Variants in NUP62 observed in about 807,000 individuals in gnomAD.
The protein encoded by NUP62 is nucleoporin 62, also known as nuclear pore glycoprotein p62.
For synonymous variants in NUP62, 305 were observed against 303.4 expected (o/e 1.01, Z -0.05); for missense variants, 647 against 689.4 (o/e 0.94, Z 0.69).
Position 49,909,149 on chromosome 19 carries a change from C to T in NUP62, c.659G>A (p.Ser220Asn), listed in dbSNP as rs767319363. The change falls in exon 3 of 3, where the codon AGC becomes AAC. Residue 220 changes from serine to asparagine, a missense_variant. By Grantham distance (46) the Ser-to-Asn change is conservative (BLOSUM62 1). Coordinates refer to ENST00000352066, the MANE Select transcript of NUP62 (RefSeq NM_016553.5). ...PTATITSTGP[S>N]LFASIATAPT... ...AGCAGTTGCTATTGACGCAAAGAGG[C>T]TGGGCCCAGTGCTGGTGATGGTGGC... 1.9e-6 allele frequency: 3 copies of T among 1,613,156 alleles called. No homozygotes were observed. The highest frequency in any genetic ancestry group is 1.7e-6 in the Non-Finnish European group (2 of 1,179,796).
chr19:49,919,317 C>A (rs1312805572), intron 2 of NUP62, among the ~76,000 whole-genome samples: 2 of 152,204 alleles, frequency 1.3e-5, no homozygotes, highest in Non-Finnish European at 2.9e-5. Context: ...CAGAGACTTG[C>A]TGTGCGTTTA....
intron 2 of NUP62, among the ~76,000 whole-genome samples, chr19:49,913,666 C>T (rs536508057): frequency 1.3e-5 from 2 of 152,242 alleles, no homozygotes; most frequent in Non-Finnish European, 2.9e-5. Context: ...CATCTCTCCC[C>T]TTTGCTGTTT....
In NUP62 at chr19:49,908,159, A is replaced by G; in HGVS notation, c.*80T>C. ...GAAACAAACAAACAAGTATCTTGCCACAACCCCAAACTACAGACAACAGGG... is the reference window on the plus strand; with the variant it reads ...GAAACAAACAAACAAGTATCTTGCCGCAACCCCAAACTACAGACAACAGGG... On this transcript the variant is annotated 3_prime_UTR_variant, in exon 3 of 3. Transcript: ENST00000352066. 1 of 1,562,224 alleles carries G rather than the reference A, an allele frequency of 6.4e-7. No individual in the cohort carries two copies. The highest frequency in any genetic ancestry group is 8.6e-7 in the Non-Finnish European group (1 of 1,158,220).
chr19:49,914,141 G>A (rs138039009), intron 2 of NUP62, among the ~76,000 whole-genome samples: 25 of 152,262 alleles, frequency 1.6e-4, no homozygotes, highest in African/African-American at 5.3e-4. Flanking sequence ...TTAAGCCCAG[G>A]AGTTTGAGGC....
At chr19:49,915,767 T>C (rs2075607902) in intron 2 of NUP62, among the ~76,000 whole-genome samples, 1 of 152,172 alleles carries the variant, frequency 6.6e-6, no homozygotes, top group South Asian at 2.1e-4. Context: ...GAGGTGTGAT[T>C]CTGAAAATCC....
chr19:49,909,431 G>C lies in NUP62; in HGVS notation c.377C>G (p.Ser126Trp). 1.2e-6 allele frequency: 2 copies of C among 1,614,024 alleles called. No individual in the cohort carries two copies. The highest frequency in any genetic ancestry group is 1.7e-6 in the Non-Finnish European group (2 of 1,180,032). ...LGSSNLTNAI[S>W]STVTSSQGTA... ...GCCCTGGCTGGAGGTGACGGTGCTC[G>C]ATATGGCATTAGTGAGGTTGCTGCT... The change falls in exon 3 of 3, where the codon TCG (serine) becomes TGG (tryptophan). Residue 126 changes from serine to tryptophan, a missense_variant. Ser to Trp is a radical substitution (Grantham distance 177, BLOSUM62 -3). Transcript: ENST00000352066.
chr19:49,909,585 T>C lies in NUP62; in HGVS notation c.223A>G (p.Thr75Ala). 1.2e-6 allele frequency: 2 copies of C among 1,614,004 alleles called. No individual in the cohort carries two copies. Among genetic ancestry groups the C allele is most frequent in the Non-Finnish European group, 1.7e-6 (2 of 1,179,988 alleles). ...QTPATQTTGFTFGTATLASGG... is the reference protein window; with the variant it reads ...QTPATQTTGFAFGTATLASGG... ...GAAGCAAGAGTCGCTGTTCCAAAAG[T>C]GAAGCCTGTCGTCTGTGTGGCCGGA... is the stretch of plus-strand genomic sequence containing the variant. Residue 75 changes from threonine (T) to alanine (A), a missense_variant, in exon 3 of 3, where the codon ACT becomes GCT. Transcript: ENST00000352066.
intron 2 of NUP62, chr19:49,912,785 G>C (rs1029619976): frequency 6.8e-6 from 1 of 146,912 alleles, no homozygotes; most frequent in African/African-American, 2.6e-5. Context: ...AGGATCACTG[G>C]AGCCCAGGGA....
intron 2 of NUP62, among the ~76,000 whole-genome samples, chr19:49,912,194 G>C (rs111815150): frequency 6.8e-6 from 1 of 147,352 alleles, no homozygotes; most frequent in African/African-American, 2.5e-5. Flanking sequence ...TTTGAGACGG[G>C]AGTCTCGCTC....
rs763809969 is a variant in NUP62, at chr19:49,909,055, A to C, written c.753T>G (p.Ala251=). The change falls in exon 3 of 3, where the codon GCT becomes GCG. Residue 251 remains alanine, a synonymous_variant. Coordinates refer to ENST00000352066, the MANE Select transcript of NUP62 (RefSeq NM_016553.5). ...CCTTTAAGCTGAAGCCCTGTGTCCC[A>C]GCAGTGGGGGCGCCCGCTGTGGTCA... The part of the protein sequence containing the change: ...TPVTTAGAPT[A]GTQGFSLKAP... 7 of 1,613,098 alleles carry C rather than the reference A, an allele frequency of 4.3e-6. No individual in the cohort carries two copies. Among genetic ancestry groups the C allele is most frequent in the Non-Finnish European group, 5.9e-6 (7 of 1,180,034 alleles).
At position 49,908,710 on chromosome 19, in the gene NUP62, G is replaced by A. The variant is rs564436380; in HGVS notation, c.1098C>T (p.Ile366=). ...TQVNAWDRTL[I]ENGEKITSLH... ...GGCTGGTGATCTTTTCTCCATTCTC[G>A]ATCAGCGTGCGGTCCCAGGCGTTGA... The change falls in exon 3 of 3, where the codon ATC becomes ATT. Residue 366 remains isoleucine (I), a synonymous_variant. Transcript: ENST00000352066. 9 of 1,612,516 alleles carry A rather than the reference G, an allele frequency of 5.6e-6. No homozygotes were observed. The highest frequency in any genetic ancestry group is 2.2e-5 in the East Asian group (1 of 44,896).
At position 49,908,220 on chromosome 19, in the gene NUP62, GC is replaced by G. The variant is rs1308346592; in HGVS notation, c.*18del. On this transcript the variant is annotated 3_prime_UTR_variant, in exon 3 of 3. Coordinates refer to ENST00000352066, the MANE Select transcript of NUP62 (RefSeq NM_016553.5). ...TCATGAACTCCCTAGGGACCTGCGG[GC>G]CCCAGGGCTGCTGTCGCTCAGTCAA... 1 of 1,611,170 alleles carries G rather than the reference GC, an allele frequency of 6.2e-7. No individual in the cohort carries two copies. Among genetic ancestry groups the G allele is most frequent in the Non-Finnish European group, 8.5e-7 (1 of 1,179,880 alleles).
chr19:49,926,252 G>C (rs1379743471), intron 2 of NUP62, among the ~76,000 whole-genome samples: 3 of 148,502 alleles, frequency 2.0e-5, no homozygotes, highest in Non-Finnish European at 3.0e-5. Context: ...CTTAAGACTG[G>C]GTGTGGTGGC....
chr19:49,912,568 C>G (rs747618548), intron 2 of NUP62, among the ~76,000 whole-genome samples: 1 of 152,158 alleles, frequency 6.6e-6, no homozygotes. Context: ...CCCTGATCCA[C>G]GCAGTTTAGA....
chr19:49,908,114 G>T lies in NUP62; in HGVS notation c.*125C>A. On this transcript the variant is annotated 3_prime_UTR_variant, in exon 3 of 3. Transcript: ENST00000352066. ...GCAAAGCACACAGCGATCATGTCAA[G>T]GGCAGTCATGTGAAAGAAAGAAACA... 6.6e-7 allele frequency: 1 copy of T among 1,510,890 alleles called. No individual in the cohort carries two copies. The highest frequency in any genetic ancestry group is 8.8e-7 in the Non-Finnish European group (1 of 1,132,032). The allele number at this position is 1,510,890 out of a possible 1,614,324, so 93.6% of individuals were successfully genotyped here. A position where few individuals can be genotyped will look rare whatever the true frequency, so the allele number is the denominator to read the frequency against.
Position 49,925,449 on chromosome 19 carries a change from C to CA in NUP62, c.-78+2244dup, listed in dbSNP as rs56199048. Reference sequence around the variant, plus strand: ...CCCCCCCATCTCTACTAAAAAAAGCCAAAAAAAAAAAAAAATAGCATCCTA... The same window carrying CA: ...CCCCCCCATCTCTACTAAAAAAAGCCAAAAAAAAAAAAAAAATAGCATCCTA... On this transcript the variant is annotated intron_variant, in intron 2 of 2. Transcript: ENST00000352066. Among the ~76,000 whole-genome samples, 453 of 132,836 alleles carry CA rather than the reference C, an allele frequency of 3.4e-3. 4 individuals carry two copies. The highest frequency in any genetic ancestry group is 9.3e-3 in the South Asian group (40 of 4,316). 87.1% of individuals were successfully genotyped at this position (132,836 alleles called of 152,430 possible).
In NUP62 at chr19:49,909,064, G is replaced by A. The variant is rs1366566628; in HGVS notation, c.744C>T (p.Ala248=). 3.7e-6 allele frequency: 6 copies of A among 1,612,804 alleles called. No homozygotes were observed. Among genetic ancestry groups the A allele is most frequent in the Admixed American group, 3.3e-5 (2 of 60,024 alleles). The change falls in exon 3 of 3, where the codon GCC becomes GCT. Residue 248 remains alanine, a synonymous_variant. Transcript: ENST00000352066. ...TGAAGCCCTGTGTCCCAGCAGTGGG[G>A]GCGCCCGCTGTGGTCACAGGGGTAC... ...SLCTPVTTAG[A]PTAGTQGFSL... is the part of the protein sequence containing the mutation.
chr19:49,921,487 G>A lies in NUP62; in HGVS notation c.-78+6207C>T, dbSNP rs1405716709. The stretch of plus-strand genomic sequence containing the variant: ...AAATCCAATTCAGGATGATCCGCCC[G>A]CCCCAGCTGCAGACGATGGCCTGAG... On this transcript the variant is annotated intron_variant, in intron 2 of 2. Coordinates refer to ENST00000352066, the MANE Select transcript of NUP62 (RefSeq NM_016553.5). The surrounding 1 kb of genome is among the most constrained non-coding windows in gnomAD (Gnocchi z 5.4). 5.9e-5 allele frequency among the ~76,000 whole-genome samples: 9 copies of A among 152,258 alleles called. No individual in the cohort carries two copies. Among genetic ancestry groups the A allele is most frequent in the Non-Finnish European group, 8.8e-5 (6 of 68,018 alleles).
At chr19:49,914,031 C>T (rs1042967132) in intron 2 of NUP62, among the ~76,000 whole-genome samples, 1 of 152,190 alleles carries the variant, frequency 6.6e-6, no homozygotes, top group Non-Finnish European at 1.5e-5. Context: ...TAAATTTGCA[C>T]CAAAACCACA....
Sources: allele counts gnomAD v4.1 joint callset (sites outside exome capture counted in the v4.1 genomes callset), GRCh38; gene constraint gnomAD v4.1.1; non-coding constraint Gnocchi (gnomAD v3.1); transcripts MANE v1.5; gene names NCBI Gene and HGNC (gene_info 2026-07-23, HGNC 2026-07-21).